The following RGS3 variants were observed in gnomAD, a reference collection of about 807,000 sequenced individuals.
RGS3 encodes regulator of G protein signaling 3.
In RGS3, 80 loss-of-function variants were observed where a neutral mutation model predicts 132.6. That is an observed-to-expected ratio of 0.60 (90% CI 0.50 to 0.73). The LOEUF (loss-of-function observed/expected upper bound fraction) is 0.73. RGS3 is among the 30% of genes least tolerant of loss of function. The pLI is 0.00. For missense variants in RGS3, 1,382 were observed against 1,530.8 expected, an observed-to-expected ratio of 0.90 and a Z score of 1.62; for synonymous variants, 598 against 620.6, an observed-to-expected ratio of 0.96 and a Z score of 0.54.
chr9:113,561,482 G>A (rs1387732841), intron 19 of RGS3, among the ~76,000 whole-genome samples: 5 of 151,300 alleles, frequency 3.3e-5, no homozygotes, highest in Non-Finnish European at 5.9e-5. Flanking sequence ...CAATTATCAC[G>A]GCTCATTGCA....
chr9:113,511,823 T>C (rs1464372913), intron 14 of RGS3, among the ~76,000 whole-genome samples: 1 of 152,068 alleles, frequency 6.6e-6, no homozygotes, highest in African/African-American at 2.4e-5. Flanking sequence ...CAGTCCTGCA[T>C]GGTTTTGCCT....
intron 3 of RGS3, among the ~76,000 whole-genome samples, chr9:113,477,550 A>G (rs910282318): frequency 6.6e-6 from 1 of 152,182 alleles, no homozygotes; most frequent in Non-Finnish European, 1.5e-5. Flanking sequence ...CTGCCAGCCT[A>G]GTTTCAAGAG....
chr9:113,503,307 C>G (rs983986648), intron 10 of RGS3: 6 of 152,498 alleles, frequency 3.9e-5, no homozygotes, highest in African/African-American at 1.2e-4. Context: ...CATACTCATT[C>G]CCCTAGGGGC....
At position 113,579,208 on chromosome 9, in the gene RGS3, C is replaced by T. The variant is rs1291381117; in HGVS notation, c.2038-4242C>T. ...GCAAACCTGGCTGCTCAGTGAGTAGCTGTGTGATGTTGGACAAGTCACTTT... is the reference window on the plus strand; with the variant it reads ...GCAAACCTGGCTGCTCAGTGAGTAGTTGTGTGATGTTGGACAAGTCACTTT... On this transcript the variant is annotated intron_variant, in intron 19 of 24. Coordinates refer to ENST00000350696, the Ensembl canonical transcript of RGS3. This position sits in a 1 kb window ranked among gnomAD's most constrained non-coding sequence, Gnocchi z 4.3. 2.0e-5 allele frequency among the ~76,000 whole-genome samples: 3 copies of T among 152,148 alleles called. No homozygotes were observed. The highest frequency in any genetic ancestry group is 4.4e-5 in the Non-Finnish European group (3 of 68,022).
At chr9:113,486,358 C>T (rs540273774) in intron 7 of RGS3, among the ~76,000 whole-genome samples, 21 of 152,378 alleles carry the variant, frequency 1.4e-4, no homozygotes, top group African/African-American at 4.8e-4. Flanking sequence ...GGCAGAAATA[C>T]TCACTGTAAG....
chr9:113,541,409 A>G (rs765306008), intron 19 of RGS3: 3 of 1,613,688 alleles, frequency 1.9e-6, no homozygotes, highest in Non-Finnish European at 8.5e-7. Context: ...CCTCACCAGG[A>G]CAGACTCTGA....
At chr9:113,581,028 G>A (rs41301529) in intron 19 of RGS3, 2 of 947,318 alleles carry the variant, frequency 2.1e-6, no homozygotes, top group Non-Finnish European at 2.5e-6. Context: ...GCCAGGGGGT[G>A]GGTCGGGGGG....
chr9:113,585,649 G>A (rs1038112726), intron 20 of RGS3, among the ~76,000 whole-genome samples: 1 of 152,250 alleles, frequency 6.6e-6, no homozygotes, highest in African/African-American at 2.4e-5. Flanking sequence ...AGAGGTAGAG[G>A]CAAGCATTCT....
intron 19 of RGS3, among the ~76,000 whole-genome samples, chr9:113,563,732 A>G (rs1242939508): frequency 6.6e-6 from 1 of 152,190 alleles, no homozygotes; most frequent in Non-Finnish European, 1.5e-5. Flanking sequence ...GAGGAGGGCT[A>G]TTCTGAGTCG....
chr9:113,569,271 G>A (rs1269264358), intron 19 of RGS3, among the ~76,000 whole-genome samples: 2 of 152,190 alleles, frequency 1.3e-5, no homozygotes, highest in East Asian at 3.9e-4. Flanking sequence ...AGAGCTCGGG[G>A]ACTCAGGGAA....
At chr9:113,477,078 G>T (rs1396417128) in intron 3 of RGS3, among the ~76,000 whole-genome samples, 1 of 152,088 alleles carries the variant, frequency 6.6e-6, no homozygotes, top group African/African-American at 2.4e-5. Flanking sequence ...AGTTTTCATA[G>T]GTTTCTCAGC....
intron 3 of RGS3, among the ~76,000 whole-genome samples, chr9:113,467,694 TA>T (rs773228971): frequency 7.9e-5 from 12 of 152,190 alleles, no homozygotes; most frequent in Non-Finnish European, 1.6e-4. Flanking sequence ...ACTTTCTTGA[TA>T]GTGTTCATTG....
chr9:113,556,978 G>A (rs907523201), intron 19 of RGS3, among the ~76,000 whole-genome samples: 1 of 152,158 alleles, frequency 6.6e-6, no homozygotes, highest in Non-Finnish European at 1.5e-5. Context: ...CAGCAGCTGC[G>A]ATGACTCTTC....
At chr9:113,487,347 A>G (rs898242012) in intron 7 of RGS3, among the ~76,000 whole-genome samples, 1 of 150,582 alleles carries the variant, frequency 6.6e-6, no homozygotes, top group East Asian at 1.9e-4. Flanking sequence ...TCCTGACCTC[A>G]TGATCCACCC....
At chr9:113,587,045 C>T (rs954986537) in intron 20 of RGS3, among the ~76,000 whole-genome samples, 1 of 152,200 alleles carries the variant, frequency 6.6e-6, no homozygotes, top group Non-Finnish European at 1.5e-5. Context: ...CATTTCTCAC[C>T]TTCCTGACAC....
exon 20 of RGS3, chr9:113,583,653 T>A (rs768331278): frequency 6.2e-6 from 10 of 1,613,988 alleles, no homozygotes; most frequent in Non-Finnish European, 8.5e-6. Flanking sequence ...AAGACTCAGC[T>A]ACCTCTGAAG....
chr9:113,489,687 C>G (rs1233827752), intron 7 of RGS3, among the ~76,000 whole-genome samples: 1 of 151,280 alleles, frequency 6.6e-6, no homozygotes, highest in Non-Finnish European at 1.5e-5. Flanking sequence ...CCACACCCAG[C>G]TACTTAATTT....
intron 4 of RGS3, 106 bp from the exon 3 acceptor site, chr9:113,482,953 G>C: frequency 1.9e-6 from 3 of 1,589,034 alleles, no homozygotes; most frequent in Non-Finnish European, 2.6e-6. Flanking sequence ...TTCTTTTCAG[G>C]TCTCTTTATT....
chr9:113,460,638 T>C (rs1245610187), intron 1 of RGS3, among the ~76,000 whole-genome samples: 1 of 152,230 alleles, frequency 6.6e-6, no homozygotes, highest in African/African-American at 2.4e-5. Flanking sequence ...AATTATCCCC[T>C]TGAACTTTCT....
Sources: allele counts gnomAD v4.1 joint callset (sites outside exome capture counted in the v4.1 genomes callset), GRCh38; gene constraint gnomAD v4.1.1; non-coding constraint Gnocchi (gnomAD v3.1); transcripts MANE v1.5; gene names NCBI Gene and HGNC (gene_info 2026-07-23, HGNC 2026-07-21).